SERPINA10: variants seen among roughly 807,000 people sequenced by gnomAD.
SERPINA10 encodes the protein protein Z-dependent protease inhibitor.
A neutral mutation model predicts 28.0 loss-of-function variants in SERPINA10; 24 were observed. The observed-to-expected ratio is 0.86, with a 90% CI of 0.62 to 1.20. SERPINA10 has a LOEUF of 1.20. Among genes scored for constraint, SERPINA10 ranks in the 50% most tolerant of loss-of-function variants. The pLI, the probability that SERPINA10 is intolerant of heterozygous loss-of-function variation, is 0.00. For synonymous variants in SERPINA10, 207 were observed against 203.9 expected (o/e 1.02, Z -0.13); for missense variants, 521 against 537.7 (o/e 0.97, Z 0.31).
Position 94,283,857 on chromosome 14 carries a change from G to C in SERPINA10, c.*108C>G. ...TTTGAGAACACCCTAAACTAGTTAA[G>C]AACAAAAGGAACACTCTCCCCTGCC... On this transcript the variant is annotated 3_prime_UTR_variant, in exon 5 of 5. Coordinates refer to ENST00000261994, the MANE Select transcript of SERPINA10 (RefSeq NM_001100607.3). 8.9e-7 allele frequency: 1 copy of C among 1,124,182 alleles called. No individual in the cohort carries two copies. Among genetic ancestry groups the C allele is most frequent in the Non-Finnish European group, 1.3e-6 (1 of 742,374 alleles). The allele number at this position is 1,124,182 out of a possible 1,614,324, so 69.6% of individuals were successfully genotyped here. A position where few individuals can be genotyped will look rare whatever the true frequency, so the allele number is the denominator to read the frequency against.
intron 4 of SERPINA10, 65 bp downstream of exon 4, chr14:94,286,043 T>C (rs748392279): frequency 2.3e-4 from 358 of 1,586,122 alleles, no homozygotes; most frequent in Non-Finnish European, 3.0e-4. Context: ...AAATGGTTTG[T>C]AAAAGCATTT....
At chr14:94,289,842 G>T (rs1307287362) in intron 2 of SERPINA10, 34 bp downstream of exon 2, 21 of 1,610,586 alleles carry the variant, frequency 1.3e-5, no homozygotes, top group Non-Finnish European at 1.8e-5. Flanking sequence ...GTAGGGCCCT[G>T]TGGCCTTGGG....
At position 94,280,816 on chromosome 14, in the gene SERPINA10, G is replaced by A. The variant is rs1419596631; in HGVS notation, c.*3149C>T. On this transcript the variant is annotated 3_prime_UTR_variant, in exon 5 of 5. Coordinates refer to ENST00000261994, the MANE Select transcript of SERPINA10 (RefSeq NM_001100607.3). The stretch of plus-strand genomic sequence containing the variant: ...ACTTTTACTGCAGAAATGGAGATAG[G>A]TCTATAAAGGATTTTACTTAATAGA... The A allele has an allele frequency of 6.6e-6, 1 of 152,158 alleles. No individual in the cohort carries two copies. The highest frequency in any genetic ancestry group is 1.5e-5 in the Non-Finnish European group (1 of 68,028). 9.4% of individuals were successfully genotyped at this position (152,158 alleles called of 1,614,324 possible). A position where few individuals can be genotyped will look rare whatever the true frequency, so the allele number is the denominator to read the frequency against.
rs1400084919 is a variant in SERPINA10, at chr14:94,280,767, C to G, written c.*3198G>C. Reference sequence around the variant, plus strand: ...CAAGTCCAGGAATTTCACTAGTTAGCCTTACAAGCTAACTGTAGAGCTCAC... The same window carrying G: ...CAAGTCCAGGAATTTCACTAGTTAGGCTTACAAGCTAACTGTAGAGCTCAC... On this transcript the variant is annotated 3_prime_UTR_variant, in exon 5 of 5. Transcript: ENST00000261994. 2 of 152,134 alleles carry G rather than the reference C, an allele frequency of 1.3e-5. No homozygotes were observed. Among genetic ancestry groups the G allele is most frequent in the Admixed American group, 6.5e-5 (1 of 15,276 alleles). 9.4% of individuals were successfully genotyped at this position (152,134 alleles called of 1,614,324 possible). A position where few individuals can be genotyped will look rare whatever the true frequency, so the allele number is the denominator to read the frequency against.
intron 1 of SERPINA10, chr14:94,292,636 G>A: frequency 1.4e-6 from 1 of 701,684 alleles, no homozygotes. Flanking sequence ...TTGTCCTGCA[G>A]TCTGCAGTGG....
At chr14:94,285,418 A>T (rs1894993523) in intron 4 of SERPINA10, among the ~76,000 whole-genome samples, 1 of 151,900 alleles carries the variant, frequency 6.6e-6, no homozygotes, top group African/African-American at 2.4e-5. Context: ...AGGACCAAAA[A>T]GTATGAATCA....
intron 1 of SERPINA10, among the ~76,000 whole-genome samples, chr14:94,291,016 C>G (rs1170812258): frequency 2.0e-5 from 3 of 152,224 alleles, no homozygotes; most frequent in Middle Eastern, 3.2e-3. Context: ...TTTCCTTGAT[C>G]TGCTTCATTC....
chr14:94,283,874 T>C lies in SERPINA10; in HGVS notation c.*91A>G. 1.6e-6 allele frequency: 2 copies of C among 1,270,368 alleles called. No individual in the cohort carries two copies. The highest frequency in any genetic ancestry group is 2.3e-6 in the Non-Finnish European group (2 of 868,916). The allele number at this position is 1,270,368 out of a possible 1,614,324, so 78.7% of individuals were successfully genotyped here. ...CTAGTTAAGAACAAAAGGAACACTC[T>C]CCCCTGCCATCCATTGCTGGTATCC... On this transcript the variant is annotated 3_prime_UTR_variant, in exon 5 of 5. Coordinates refer to ENST00000261994, the MANE Select transcript of SERPINA10 (RefSeq NM_001100607.3).
rs371570431 is a variant in SERPINA10 at position 94,290,312 on chromosome 14, G to A, written c.282C>T (p.His94=). The A allele has an allele frequency of 5.0e-6, 8 of 1,614,090 alleles. No homozygotes were observed. The highest frequency in any genetic ancestry group is 2.2e-5 in the South Asian group (2 of 91,088). ...ATGGAGAGAAGACCATGTTGCCATC[G>A]TGCCTCATGGAGATCTTTCGCAGCA... The part of the protein sequence containing the change: ...FSLLRKISMR[H]DGNMVFSPFG... Residue 94 remains histidine (H), a synonymous_variant, in exon 2 of 5, where the codon CAC becomes CAT. Coordinates refer to ENST00000261994, the MANE Select transcript of SERPINA10 (RefSeq NM_001100607.3).
intron 3 of SERPINA10, among the ~76,000 whole-genome samples, chr14:94,287,170 G>A (rs1895046548): frequency 6.6e-6 from 1 of 152,078 alleles, no homozygotes; most frequent in African/African-American, 2.4e-5. Context: ...GTTGATGACC[G>A]AATTTATATC....
At chr14:94,288,144 A>G in intron 3 of SERPINA10, 142 bp downstream of exon 3, 2 of 1,161,906 alleles carry the variant, frequency 1.7e-6, no homozygotes, top group Non-Finnish European at 2.5e-6. Context: ...GAGTGGAAAA[A>G]AAGACAAATG....
intron 2 of SERPINA10, among the ~76,000 whole-genome samples, chr14:94,289,483 A>G (rs563902943): frequency 1.3e-5 from 2 of 152,234 alleles, no homozygotes; most frequent in Non-Finnish European, 2.9e-5. Flanking sequence ...ACACTGTAGT[A>G]GGTGGAGTGT....
chr14:94,289,726 T>G, intron 2 of SERPINA10, 150 bp downstream of exon 2: 1 of 877,904 alleles, frequency 1.1e-6, no homozygotes, highest in Non-Finnish European at 1.9e-6. Flanking sequence ...TCTGGCACTG[T>G]TCAATATGTG....
chr14:94,284,074 G>A lies in SERPINA10; in HGVS notation c.1226C>T (p.Ser409Phe). ...GTCCACTTTGATGACAGGAGGCATG[G>A]AATAAGCAGTAATTTCTGACAAGAT... ...AGILSEITAY[S>F]MPPVIKVDRP... Residue 409 changes from serine (S) to phenylalanine (F), a missense_variant, in exon 5 of 5, where the codon TCC (serine) becomes TTC (phenylalanine). Coordinates refer to ENST00000261994, the MANE Select transcript of SERPINA10 (RefSeq NM_001100607.3). 6.2e-7 allele frequency: 1 copy of A among 1,614,146 alleles called. No homozygotes were observed. The highest frequency in any genetic ancestry group is 8.5e-7 in the Non-Finnish European group (1 of 1,179,964).
chr14:94,290,510 C>T lies in SERPINA10; in HGVS notation c.84G>A (p.Ser28=), dbSNP rs758769939. 71 of 1,612,938 alleles carry T rather than the reference C, an allele frequency of 4.4e-5. No homozygotes were observed. In the South Asian group the frequency reaches 6.1e-4, roughly 14 times the overall value. ...LVPGLAPSPQ[S]PETPAPQNQT... ...GGTTCTGAGGGGCTGGGGTCTCTGG[C>T]GACTGAGGACTGGGGGCCAAGCCGG... The change falls in exon 2 of 5, where the codon TCG becomes TCA. Residue 28 remains serine, a synonymous_variant. Coordinates refer to ENST00000261994, the MANE Select transcript of SERPINA10 (RefSeq NM_001100607.3).
chr14:94,292,356 C>T (rs1008393975), intron 1 of SERPINA10, among the ~76,000 whole-genome samples: 19 of 152,250 alleles, frequency 1.2e-4, no homozygotes, highest in South Asian at 1.0e-3. Context: ...AATCCGGCCA[C>T]GCTGGCACCC....
At chr14:94,291,313 G>C (rs1332750918) in intron 1 of SERPINA10, among the ~76,000 whole-genome samples, 1 of 152,114 alleles carries the variant, frequency 6.6e-6, no homozygotes, top group African/African-American at 2.4e-5. Context: ...CTCCACTGTG[G>C]CTTCATAGAG....
chr14:94,292,501 A>G (rs1895203571), intron 1 of SERPINA10: 2 of 677,516 alleles, frequency 3.0e-6, no homozygotes, highest in Admixed American at 4.1e-5. Context: ...CTACATTAAG[A>G]CCACACAGAA....
intron 2 of SERPINA10, 91 bp from the exon 3 acceptor site, chr14:94,288,650 C>T: frequency 6.7e-7 from 1 of 1,483,254 alleles, no homozygotes; most frequent in Non-Finnish European, 9.3e-7. Flanking sequence ...CCTTCTATCT[C>T]ACTTCTCTCA....
Sources: gnomAD v4.1 joint callset for allele counts (sites outside exome capture counted in the v4.1 genomes callset) on GRCh38, gnomAD v4.1.1 for gene constraint, MANE v1.5 for transcripts, NCBI Gene and HGNC (gene_info 2026-07-23, HGNC 2026-07-21) for gene names.